CCDC146: variants seen among roughly 807,000 people sequenced by gnomAD.
CCDC146 encodes the protein coiled-coil domain-containing protein 146.
CCDC146 carries 92 observed loss-of-function variants against 119.3 expected under a neutral mutation model. The ratio of observed to expected loss-of-function variants is 0.77; its 90% CI spans 0.65 to 0.92. The LOEUF is 0.92. Ranked by LOEUF, CCDC146 falls within the 40% of genes least tolerant of loss-of-function variation. CCDC146 has a pLI of 0.00. For synonymous variants in CCDC146, 372 were observed against 371.8 expected, an observed-to-expected ratio of 1.00 and a Z score of -0.01; for missense variants, 1,000 against 1,103.0, an observed-to-expected ratio of 0.91 and a Z score of 1.32.
chr7:77,131,281 C>T (rs1475559475), intron 1 of CCDC146, among the ~76,000 whole-genome samples: 1 of 152,012 alleles, frequency 6.6e-6, no homozygotes, highest in African/African-American at 2.4e-5. Flanking sequence ...TTATCAAAGA[C>T]TATTTACAAT....
At chr7:77,268,065 G>C (rs1562855156) in intron 9 of CCDC146, among the ~76,000 whole-genome samples, 1 of 152,190 alleles carries the variant, frequency 6.6e-6, no homozygotes, top group Non-Finnish European at 1.5e-5. Context: ...CATGTGACTT[G>C]AGGAACGGTT....
intron 2 of CCDC146, among the ~76,000 whole-genome samples, chr7:77,181,195 C>G (rs973087460): frequency 1.3e-5 from 2 of 152,026 alleles, no homozygotes; most frequent in African/African-American, 4.8e-5. Context: ...GAACTGTGGG[C>G]AAGAGCCTTT....
chr7:77,241,573 G>A (rs1262944183), intron 3 of CCDC146, 118 bp from the exon 4 acceptor site: 1 of 812,240 alleles, frequency 1.2e-6, no homozygotes, highest in Non-Finnish European at 2.0e-6. Flanking sequence ...GCACAAAAAT[G>A]TCCCAGAGTT....
rs1794017878 is a variant in CCDC146 at position 77,294,986 on chromosome 7, TAGTC to T, written c.*123_*126del. ...TATTGATAAGTAAGGTAACCACAAT[TAGTC>T]AGCAACAGAGTACAACAGGGTTTCT... On this transcript the variant is annotated 3_prime_UTR_variant, in exon 19 of 19. Transcript: ENST00000285871. 1.3e-6 allele frequency: 1 copy of T among 770,426 alleles called. No homozygotes were observed. Among genetic ancestry groups the T allele is most frequent in the African/African-American group, 1.8e-5 (1 of 56,998 alleles). The allele number at this position is 770,426 out of a possible 1,614,324, so 47.7% of individuals were successfully genotyped here. A position where few individuals can be genotyped will look rare whatever the true frequency, so the allele number is the denominator to read the frequency against.
At chr7:77,189,676 T>A (rs897725001) in intron 2 of CCDC146, among the ~76,000 whole-genome samples, 1 of 152,202 alleles carries the variant, frequency 6.6e-6, no homozygotes, top group Non-Finnish European at 1.5e-5. Flanking sequence ...TGATCTCATC[T>A]TCTCACCACC....
At chr7:77,209,396 G>A (rs1182420496) in intron 2 of CCDC146, among the ~76,000 whole-genome samples, 2 of 152,206 alleles carry the variant, frequency 1.3e-5, no homozygotes, top group Admixed American at 6.5e-5. Context: ...TGACACAGGG[G>A]TGGGCTCTCA....
intron 3 of CCDC146, among the ~76,000 whole-genome samples, chr7:77,239,734 A>G (rs2049263038): frequency 6.6e-6 from 1 of 152,252 alleles, no homozygotes; most frequent in Non-Finnish European, 1.5e-5. Flanking sequence ...TCTGGGAAAG[A>G]GGAATCATAT....
intron 4 of CCDC146, among the ~76,000 whole-genome samples, chr7:77,251,853 A>T (rs1162793529): frequency 3.3e-5 from 5 of 152,230 alleles, no homozygotes; most frequent in Non-Finnish European, 7.3e-5. Context: ...TTGAATAAAA[A>T]TGAACAGATC....
chr7:77,273,932 C>A, intron 10 of CCDC146, 143 bp downstream of exon 10: 1 of 486,690 alleles, frequency 2.1e-6, no homozygotes, highest in Non-Finnish European at 3.7e-6. Flanking sequence ...ATTTCTTCAT[C>A]TCAAAGTCCA....
chr7:77,136,502 T>C (rs1790862315), intron 1 of CCDC146, among the ~76,000 whole-genome samples: 1 of 152,196 alleles, frequency 6.6e-6, no homozygotes, highest in South Asian at 2.1e-4. Flanking sequence ...AACAACTCTG[T>C]ATCTACAAAT....
intron 1 of CCDC146, among the ~76,000 whole-genome samples, chr7:77,155,964 G>A (rs1339589617): frequency 1.3e-5 from 2 of 152,252 alleles, no homozygotes; most frequent in Admixed American, 6.5e-5. Flanking sequence ...TTTAAAGAGA[G>A]AGTGAGGATC....
At chr7:77,143,512 A>G (rs1265819943) in intron 1 of CCDC146, among the ~76,000 whole-genome samples, 1 of 151,982 alleles carries the variant, frequency 6.6e-6, no homozygotes, top group African/African-American at 2.4e-5. Context: ...CCTGAATGGT[A>G]TTGCCTAGGT....
chr7:77,248,637 A>G (rs1191084176), intron 4 of CCDC146, among the ~76,000 whole-genome samples: 1 of 152,268 alleles, frequency 6.6e-6, no homozygotes, highest in Non-Finnish European at 1.5e-5. Context: ...TAGTCATTAA[A>G]TAAAGAATAG....
Position 77,199,809 on chromosome 7 carries a change from C to A in CCDC146, c.156+31985C>A, listed in dbSNP as rs751134997. 2.5e-5 allele frequency: 40 copies of A among 1,609,374 alleles called. No homozygotes were observed. The East Asian group carries it at 8.5e-4, about 34-fold the overall frequency. On this transcript the variant is annotated intron_variant, in intron 2 of 18. Coordinates refer to ENST00000285871, the MANE Select transcript of CCDC146 (RefSeq NM_020879.3). ...CCAGCTTCATCTTTACAGTGCTGCT[C>A]ACCCCAGCAGGGAGTGCGCAGGGCT...
At position 77,223,906 on chromosome 7, in the gene CCDC146, C is replaced by T. The variant is rs531206746; in HGVS notation, c.157-13041C>T. The stretch of plus-strand genomic sequence containing the variant: ...GAAATAATAGAGGCATCTGAAAATA[C>T]AGCAGCAGTAGGGAGAACTAATTGA... On this transcript the variant is annotated intron_variant, in intron 2 of 18. Transcript: ENST00000285871. Among the ~76,000 whole-genome samples the T allele has an allele frequency of 9.8e-5, 15 of 152,296 alleles. No homozygotes were observed. The East Asian group carries it at 2.9e-3, about 29-fold the overall frequency.
At chr7:77,156,535 C>T (rs1205035559) in intron 1 of CCDC146, among the ~76,000 whole-genome samples, 3 of 151,584 alleles carry the variant, frequency 2.0e-5, no homozygotes, top group African/African-American at 7.3e-5. Context: ...AAAGCATCTC[C>T]ATAAATATAT....
At chr7:77,279,729 T>C (rs535843888) in intron 13 of CCDC146, among the ~76,000 whole-genome samples, 1 of 152,348 alleles carries the variant, frequency 6.6e-6, no homozygotes, top group East Asian at 1.9e-4. Context: ...GACATTTTAC[T>C]GTGAAATGAG....
chr7:77,258,889 A>C, intron 6 of CCDC146, 106 bp from the exon 7 acceptor site: 1 of 712,108 alleles, frequency 1.4e-6, no homozygotes, highest in Non-Finnish European at 2.5e-6. Context: ...GCAGATGGTA[A>C]GTATCTACAT....
intron 2 of CCDC146, among the ~76,000 whole-genome samples, chr7:77,224,889 G>T (rs1359545629): frequency 1.3e-5 from 2 of 152,164 alleles, no homozygotes; most frequent in African/African-American, 4.8e-5. Flanking sequence ...TAGTGTACTG[G>T]CAGTCTGGTT....
Sources: allele counts gnomAD v4.1 joint callset (sites outside exome capture counted in the v4.1 genomes callset), GRCh38; gene constraint gnomAD v4.1.1; transcripts MANE v1.5; gene names NCBI Gene and HGNC (gene_info 2026-07-23, HGNC 2026-07-21).